SLA: variants seen among roughly 807,000 people sequenced by gnomAD.
SLA encodes the protein src-like-adapter.
In SLA, 16 loss-of-function variants were observed where a neutral mutation model predicts 30.3. The ratio of observed to expected loss-of-function variants is 0.53; its 90% CI spans 0.36 to 0.80. The LOEUF (loss-of-function observed/expected upper bound fraction) is 0.80. Among genes scored for constraint, SLA ranks in the 30% least tolerant of loss-of-function variants. SLA has a pLI of 0.01. For missense variants in SLA, 310 were observed against 345.2 expected (o/e 0.90, Z 0.81); for synonymous variants, 143 against 137.8 (o/e 1.04, Z -0.26).
At chr8:133,067,863 A>G (rs2958702) in intron 2 of SLA, among the ~76,000 whole-genome samples, 5,227 of 76,240 alleles carry the variant, frequency 0.069, 351 homozygotes, top group African/African-American at 0.26. Context: ...AGAAAGAAAG[A>G]AAGAAAGGAA....
chr8:133,094,896 T>C, intron 1 of SLA: 1 of 1,034,704 alleles, frequency 9.7e-7, no homozygotes, highest in Non-Finnish European at 1.5e-6. Flanking sequence ...AATCCTTATC[T>C]TCCCATTGTG....
intron 1 of SLA, among the ~76,000 whole-genome samples, chr8:133,088,352 G>A (rs923857581): frequency 7.9e-5 from 12 of 152,128 alleles, no homozygotes; most frequent in African/African-American, 2.9e-4. Flanking sequence ...TGAGTGGAAT[G>A]GAAAATAAGG....
intron 1 of SLA, chr8:133,095,354 G>T: frequency 8.8e-7 from 1 of 1,138,880 alleles, no homozygotes; most frequent in Non-Finnish European, 1.3e-6. Flanking sequence ...ACATTCCCTA[G>T]CCCCTAGAGC....
chr8:133,053,759 G>A (rs1359674305), intron 3 of SLA, among the ~76,000 whole-genome samples: 1 of 152,208 alleles, frequency 6.6e-6, no homozygotes, highest in Non-Finnish European at 1.5e-5. Flanking sequence ...CTGTTCCAAT[G>A]AGGGAAAGGG....
intron 1 of SLA, among the ~76,000 whole-genome samples, chr8:133,081,345 T>C (rs936881612): frequency 6.6e-6 from 1 of 152,202 alleles, no homozygotes; most frequent in African/African-American, 2.4e-5. Flanking sequence ...GTAAATAAAT[T>C]GTGAATGGTG....
chr8:133,063,748 A>G (rs1276168057), intron 2 of SLA: 1 of 152,220 alleles, frequency 6.6e-6, no homozygotes, highest in Admixed American at 6.5e-5. Context: ...CACCAAAAAA[A>G]CCATCAGGTC....
intron 5 of SLA, 41 bp from the exon 6 acceptor site, chr8:133,047,974 C>T (rs1204913677): frequency 3.8e-6 from 5 of 1,302,078 alleles, no homozygotes; most frequent in Non-Finnish European, 4.4e-6. Flanking sequence ...CGGAACAAGC[C>T]CTCCCCCAGG....
At chr8:133,046,777 T>C (rs1036003624) in intron 6 of SLA, among the ~76,000 whole-genome samples, 4 of 152,122 alleles carry the variant, frequency 2.6e-5, no homozygotes, top group Non-Finnish European at 4.4e-5. Context: ...CATATTTGGG[T>C]TTTTTAGAGA....
chr8:133,056,175 A>G (rs909134246), intron 3 of SLA, among the ~76,000 whole-genome samples: 2 of 152,180 alleles, frequency 1.3e-5, no homozygotes, highest in African/African-American at 4.8e-5. Flanking sequence ...AAATTAATTT[A>G]CTTAAAAAAA....
At chr8:133,096,097 G>A in intron 1 of SLA, 1 of 1,386,650 alleles carries the variant, frequency 7.2e-7, no homozygotes, top group Non-Finnish European at 1.0e-6. Flanking sequence ...TCTCAGTAGA[G>A]TCATAGATGG....
In SLA at chr8:133,040,563, G is replaced by T. The variant is rs190712537; in HGVS notation, c.485-433C>A. Among the ~76,000 whole-genome samples, 675 of 152,306 alleles carry T rather than the reference G, an allele frequency of 4.4e-3. 2 individuals carry two copies. The highest frequency in any genetic ancestry group is 7.1e-3 in the Non-Finnish European group (481 of 68,020). ...GCCCAATCCATTAACCTCACAGGGT[G>T]TGAGAATGGGGCTGCATACAGCGCT... On this transcript the variant is annotated intron_variant, in intron 7 of 8. Transcript: ENST00000338087.
intron 2 of SLA, among the ~76,000 whole-genome samples, chr8:133,071,100 C>T (rs1418029530): frequency 6.6e-6 from 1 of 152,200 alleles, no homozygotes; most frequent in Non-Finnish European, 1.5e-5. Flanking sequence ...CTCCCTGTGT[C>T]CACCTCAGAT....
rs1409110879 is a variant in SLA at position 133,038,660 on chromosome 8, C to G, written c.695G>C (p.Ser232Thr). 6.2e-7 allele frequency: 1 copy of G among 1,613,762 alleles called. No homozygotes were observed. The highest frequency in any genetic ancestry group is 1.3e-5 in the African/African-American group (1 of 74,888). The change falls in exon 9 of 9, where the codon AGC (serine) becomes ACC (threonine). Residue 232 changes from serine to threonine, a missense_variant. Transcript: ENST00000338087. ...ESLFSYGLRESIASYLSLTSE... is the reference protein window; with the variant it reads ...ESLFSYGLRETIASYLSLTSE... ...GGTCAGGGACAGGTAAGAGGCAATG[C>G]TCTCTCGAAGGCCATAGCTGAAAAG...
At chr8:133,092,143 G>A (rs1372916805) in intron 1 of SLA, among the ~76,000 whole-genome samples, 2 of 152,080 alleles carry the variant, frequency 1.3e-5, no homozygotes, top group Non-Finnish European at 2.9e-5. Context: ...TAACTCCCAG[G>A]ATCCTCTGAG....
At position 133,042,678 on chromosome 8, in the gene SLA, C is replaced by CTTTTTTTTTTTTTTT. The variant is rs58739514; in HGVS notation, c.484+2291_484+2305dup. Among the ~76,000 whole-genome samples the CTTTTTTTTTTTTTTT allele has an allele frequency of 3.9e-4, 22 of 56,764 alleles. 2 individuals carry two copies. Among genetic ancestry groups the CTTTTTTTTTTTTTTT allele is most frequent in the African/African-American group, 6.9e-4 (10 of 14,488 alleles). 37.2% of individuals were successfully genotyped at this position (56,764 alleles called of 152,430 possible). A position where few individuals can be genotyped will look rare whatever the true frequency, so the allele number is the denominator to read the frequency against. Reference sequence around the variant, plus strand: ...GTGCACAATTCCTCTCATTCTGTGTCTTTTTTTTTTTTTTTTTTTTTTTTT... The same window carrying CTTTTTTTTTTTTTTT: ...GTGCACAATTCCTCTCATTCTGTGTCTTTTTTTTTTTTTTTTTTTTTTTTTTTTTTTTTTTTTTTT... On this transcript the variant is annotated intron_variant, in intron 7 of 8. Transcript: ENST00000338087.
intron 2 of SLA, among the ~76,000 whole-genome samples, chr8:133,068,266 G>T (rs1019777685): frequency 2.6e-5 from 4 of 152,164 alleles, no homozygotes; most frequent in Admixed American, 6.5e-5. Context: ...TGTCAACCAG[G>T]CTGCAGACCT....
chr8:133,051,164 G>A (rs1840340556), intron 3 of SLA, among the ~76,000 whole-genome samples: 1 of 152,184 alleles, frequency 6.6e-6, no homozygotes, highest in South Asian at 2.1e-4. Flanking sequence ...GTTCTCATCT[G>A]AGAAATGGGA....
At position 133,095,314 on chromosome 8, in the gene SLA, G is replaced by A. The variant is rs2131637330; in HGVS notation, c.-319+7239C>T. ...CACCCACCCCAGCCATACCACACAT[G>A]AGGCTGATGACCAACTGGAGCTGGA... On this transcript the variant is annotated intron_variant, in intron 1 of 8. Transcript: ENST00000338087. 2.7e-6 allele frequency: 4 copies of A among 1,492,116 alleles called. No individual in the cohort carries two copies. In the East Asian group the frequency reaches 6.8e-5, roughly 25 times the overall value. 92.4% of individuals were successfully genotyped at this position (1,492,116 alleles called of 1,614,324 possible). A position where few individuals can be genotyped will look rare whatever the true frequency, so the allele number is the denominator to read the frequency against.
chr8:133,043,002 T>C (rs967736092), intron 7 of SLA, among the ~76,000 whole-genome samples: 1 of 152,094 alleles, frequency 6.6e-6, no homozygotes, highest in Non-Finnish European at 1.5e-5. Context: ...CCCATCTGTG[T>C]CTTTAGAGTG....
Sources: gnomAD v4.1 joint callset for allele counts (sites outside exome capture counted in the v4.1 genomes callset) on GRCh38, gnomAD v4.1.1 for gene constraint, MANE v1.5 for transcripts, NCBI Gene and HGNC (gene_info 2026-07-23, HGNC 2026-07-21) for gene names.